Variants in MAPK8 observed in about 807,000 individuals in gnomAD.
MAPK8 encodes the protein JUN N-terminal kinase.
Under a neutral mutation model 52.9 loss-of-function variants are expected in MAPK8, and 13 were observed. The observed-to-expected ratio is 0.25, with a 90% confidence interval of 0.16 to 0.39. The LOEUF is 0.39. Ranked by LOEUF, MAPK8 falls within the 10% of genes least tolerant of loss-of-function variation. The probability of loss-of-function intolerance (pLI) is 1.00; values close to 1 mark genes in which losing one functional copy is unlikely to be tolerated. For synonymous variants in MAPK8, 191 were observed against 169.8 expected, an observed-to-expected ratio of 1.12 and a Z score of -0.97; for missense variants, 300 against 519.2, an observed-to-expected ratio of 0.58 and a Z score of 4.10.
At chr10:48,415,755 G>A (rs1203502835) in intron 5 of MAPK8, among the ~76,000 whole-genome samples, 1 of 152,080 alleles carries the variant, frequency 6.6e-6, no homozygotes, top group East Asian at 1.9e-4. Context: ...ATCCAATTAG[G>A]ATACACAATT....
chr10:48,413,806 C>T (rs1419000937), intron 5 of MAPK8, among the ~76,000 whole-genome samples: 1 of 76,776 alleles, frequency 1.3e-5, no homozygotes. Context: ...TGAGTATTTG[C>T]CAGAATTGTT....
intron 1 of MAPK8, among the ~76,000 whole-genome samples, chr10:48,320,998 C>T (rs1373726537): frequency 6.7e-6 from 1 of 149,888 alleles, no homozygotes; most frequent in African/African-American, 2.5e-5. Context: ...TCATGTGCTT[C>T]TTGGCCACTT....
intron 9 of MAPK8, 197 bp from the exon 10 acceptor site, chr10:48,426,883 A>G (rs1213374734): frequency 1.9e-6 from 1 of 520,048 alleles, no homozygotes; most frequent in Non-Finnish European, 3.4e-6. Flanking sequence ...AAGAAAAAAG[A>G]CAGTTAAACA....
chr10:48,406,009 C>T (rs188959388), intron 3 of MAPK8, among the ~76,000 whole-genome samples: 4 of 152,140 alleles, frequency 2.6e-5, no homozygotes, highest in Admixed American at 6.5e-5. Flanking sequence ...AAGCAGTGGC[C>T]GTTTGTCAAA....
At chr10:48,339,267 C>T (rs1844997846) in intron 1 of MAPK8, among the ~76,000 whole-genome samples, 1 of 151,912 alleles carries the variant, frequency 6.6e-6, no homozygotes, top group Admixed American at 6.6e-5. Flanking sequence ...AATAGAGAAC[C>T]CAGAAATAAA....
chr10:48,411,580 A>G (rs933270452), intron 5 of MAPK8, among the ~76,000 whole-genome samples: 1 of 152,176 alleles, frequency 6.6e-6, no homozygotes, highest in African/African-American at 2.4e-5. Context: ...TTCTTTTACA[A>G]TATTGTTTTA....
chr10:48,324,314 A>G (rs538967643), intron 1 of MAPK8, among the ~76,000 whole-genome samples: 1 of 152,274 alleles, frequency 6.6e-6, no homozygotes, highest in East Asian at 1.9e-4. Context: ...GTGCATGGAT[A>G]GTGTTCAAAT....
At chr10:48,382,886 GTGTA>G (rs994292612) in intron 1 of MAPK8, among the ~76,000 whole-genome samples, 129 of 144,058 alleles carry the variant, frequency 9.0e-4, no homozygotes, top group African/African-American at 3.0e-3. Context: ...GGCTAGCTAT[GTGTA>G]TATATATAGC....
At chr10:48,317,443 G>A (rs1362348413) in intron 1 of MAPK8, among the ~76,000 whole-genome samples, 1 of 152,204 alleles carries the variant, frequency 6.6e-6, no homozygotes, top group Non-Finnish European at 1.5e-5. Flanking sequence ...GATTATAGGC[G>A]TGAGCCACCA....
At chr10:48,418,151 C>A (rs2043162363) in intron 5 of MAPK8, among the ~76,000 whole-genome samples, 1 of 152,196 alleles carries the variant, frequency 6.6e-6, no homozygotes. Context: ...GCTAGAGCTT[C>A]AGGTTCATTG....
At chr10:48,417,902 A>G (rs2043149913) in intron 5 of MAPK8, among the ~76,000 whole-genome samples, 1 of 152,202 alleles carries the variant, frequency 6.6e-6, no homozygotes, top group Non-Finnish European at 1.5e-5. Flanking sequence ...TACCAACACA[A>G]ACTACTGAAG....
chr10:48,362,552 TGGGGGTG>T (rs1847630870), intron 1 of MAPK8, among the ~76,000 whole-genome samples: 1 of 119,286 alleles, frequency 8.4e-6, no homozygotes, highest in Non-Finnish European at 1.7e-5. Flanking sequence ...GCCTCTATTT[TGGGGGTG>T]GGGGGTGGGA....
intron 1 of MAPK8, among the ~76,000 whole-genome samples, chr10:48,386,395 A>T (rs2041312365): frequency 6.6e-6 from 1 of 152,214 alleles, no homozygotes; most frequent in South Asian, 2.1e-4. Context: ...TAAAATTAAA[A>T]TAGCTTTTGA....
intron 10 of MAPK8, among the ~76,000 whole-genome samples, chr10:48,429,510 G>GCCATTAATT (rs1252375659): frequency 6.6e-6 from 1 of 152,158 alleles, no homozygotes; most frequent in Non-Finnish European, 1.5e-5. Context: ...AATTGCCAAA[G>GCCATTAATT]CCATTAATTA....
rs373601722 is a variant in MAPK8, at chr10:48,331,807, T to C, written c.-50+24986T>C. Among the ~76,000 whole-genome samples, 367 of 152,296 alleles carry C rather than the reference T, an allele frequency of 2.4e-3. 1 individual carries two copies. The highest frequency in any genetic ancestry group is 8.3e-3 in the African/African-American group (347 of 41,576). On this transcript the variant is annotated intron_variant, in intron 1 of 11. Transcript: ENST00000374189. ...ATCTGTAGCTCTGCCCAAATATGGGTGCCCCTATAATAACTCATAGGGGGA... is the reference window on the plus strand; with the variant it reads ...ATCTGTAGCTCTGCCCAAATATGGGCGCCCCTATAATAACTCATAGGGGGA...
chr10:48,420,183 A>G lies in MAPK8; in HGVS notation c.479A>G (p.Lys160Arg). The G allele has an allele frequency of 6.2e-7, 1 of 1,613,644 alleles. No homozygotes were observed. The highest frequency in any genetic ancestry group is 1.1e-5 in the South Asian group (1 of 91,056). The change falls in exon 6 of 12, where the codon AAA (lysine) becomes AGA (arginine). Residue 160 changes from lysine to arginine, a missense_variant. Coordinates refer to ENST00000374189, the MANE Select transcript of MAPK8 (RefSeq NM_001323329.2). ...TTAAAGCCCAGTAATATAGTAGTAA[A>G]ATCTGATTGCACTTTGAAGATTCTT... Reference protein sequence around the residue: ...RDLKPSNIVVKSDCTLKILDF... With the variant: ...RDLKPSNIVVRSDCTLKILDF...
chr10:48,315,550 T>C lies in MAPK8; in HGVS notation c.-50+8729T>C, dbSNP rs75042969. ...TTGTTGAAGTCTCATTTTGAGTTCC[T>C]GATAGCATTTTTAAACATTAAAATT... is the stretch of plus-strand genomic sequence containing the variant. On this transcript the variant is annotated intron_variant, in intron 1 of 11. Coordinates refer to ENST00000374189, the MANE Select transcript of MAPK8 (RefSeq NM_001323329.2). 6.4e-4 allele frequency among the ~76,000 whole-genome samples: 97 copies of C among 151,892 alleles called. No homozygotes were observed. The East Asian group carries it at 0.017, about 27-fold the overall frequency.
chr10:48,414,870 T>A (rs1345046176), intron 5 of MAPK8, among the ~76,000 whole-genome samples: 2 of 152,088 alleles, frequency 1.3e-5, no homozygotes, highest in Admixed American at 1.3e-4. Flanking sequence ...GCATGAGCCA[T>A]CATGCCCAGC....
intron 1 of MAPK8, among the ~76,000 whole-genome samples, chr10:48,334,811 C>T (rs1433576938): frequency 6.6e-6 from 1 of 152,124 alleles, no homozygotes; most frequent in Non-Finnish European, 1.5e-5. Flanking sequence ...GGCAGTCTTG[C>T]AAGATCTAGG....
Sources: gnomAD v4.1 joint callset for allele counts (sites outside exome capture counted in the v4.1 genomes callset) on GRCh38, gnomAD v4.1.1 for gene constraint, MANE v1.5 for transcripts, NCBI Gene and HGNC (gene_info 2026-07-23, HGNC 2026-07-21) for gene names.